Variants in TTN observed in about 807,000 individuals in gnomAD.
TTN encodes the protein titin.
TTN carries 1,525 observed loss-of-function variants against 3,223.0 expected under a neutral mutation model. The observed-to-expected ratio is 0.47, with a 90% CI of 0.45 to 0.49. TTN has a LOEUF of 0.49. TTN is among the 20% of genes least tolerant of loss of function. The probability of loss-of-function intolerance (pLI) is 0.00; values close to 1 mark genes in which losing one functional copy is unlikely to be tolerated. For synonymous variants in TTN, 14,094 were observed against 15,161.0 expected (o/e 0.93, Z 5.17); for missense variants, 40,786 against 43,424.0 (o/e 0.94, Z 5.40).
rs758663081 is a variant in TTN at position 178,730,110 on chromosome 2, G to A, written c.18290C>T (p.Ala6097Val). The change falls in exon 62 of 363, where the codon GCC (alanine) becomes GTC (valine). Residue 6097 changes from alanine (A) to valine (V), a missense_variant. Ala to Val is a moderately conservative substitution (Grantham distance 64). Coordinates refer to ENST00000589042, the MANE Select transcript of TTN (RefSeq NM_001267550.2). ...GACCAGACCTTTTACAAAGAGAGTG[G>A]CTTTGCTGGTTGCTGTGCCAACATC... ...SNDVGTATSK[A>V]TLFVKEPPQF... is the part of the protein sequence containing the mutation. 3.7e-6 allele frequency: 6 copies of A among 1,612,064 alleles called. No individual in the cohort carries two copies. The African/African-American group carries it at 6.7e-5, about 18-fold the overall frequency.
rs2050021727 is a variant in TTN at position 178,590,703 on chromosome 2, T to C, written c.61022A>G (p.Tyr20341Cys). 6.2e-7 allele frequency: 1 copy of C among 1,612,986 alleles called. No individual in the cohort carries two copies. The highest frequency in any genetic ancestry group is 1.7e-5 in the Admixed American group (1 of 59,936). The change falls in exon 304 of 363, where the codon TAT becomes TGT. Residue 20341 changes from tyrosine to cysteine, a missense_variant. Transcript: ENST00000589042. Reference protein sequence around the residue: ...RVTGLYEGNTYEFRVFAENLA... With the variant: ...RVTGLYEGNTCEFRVFAENLA... ...ATTTTCAGCAAAAACTCTAAACTCA[T>C]ATGTATTTCCTTCATAGAGTCCAGT...
chr2:178,723,388 A>C, intron 74 of TTN, 30 bp downstream of exon 74: 1 of 1,604,844 alleles, frequency 6.2e-7, no homozygotes. Flanking sequence ...GTATACAGAA[A>C]ACAGAAAAAG....
rs2053392871 is a variant in TTN, at chr2:178,601,320, A to G, written c.55677T>C (p.Phe18559=). The change falls in exon 287 of 363, where the codon TTT becomes TTC. Residue 18559 remains phenylalanine (F), a synonymous_variant. Coordinates refer to ENST00000589042, the MANE Select transcript of TTN (RefSeq NM_001267550.2). ...YFFRVRAENR[F]GIGPPVETIQ... is the part of the protein sequence containing the mutation. ...TGGTTTCCACAGGTGGGCCAATACC[A>G]AAACGGTTTTCTGCTCGCACACGGA... The G allele has an allele frequency of 1.2e-6, 2 of 1,607,548 alleles. No individual in the cohort carries two copies. Among genetic ancestry groups the G allele is most frequent in the South Asian group, 2.2e-5 (2 of 90,274 alleles).
chr2:178,736,426 A>C (rs2081453344), intron 49 of TTN, among the ~76,000 whole-genome samples: 1 of 152,170 alleles, frequency 6.6e-6, no homozygotes, highest in Non-Finnish European at 1.5e-5. Context: ...TTATGTAAGG[A>C]AGATAAAGAA....
Position 178,652,920 on chromosome 2 carries a change from G to C in TTN, c.38887C>G (p.Pro12963Ala). The C allele has an allele frequency of 1.2e-6, 2 of 1,607,190 alleles. No homozygotes were observed. Among genetic ancestry groups the C allele is most frequent in the Non-Finnish European group, 1.7e-6 (2 of 1,177,780 alleles). The change falls in exon 200 of 363, where the codon CCC (proline) becomes GCC (alanine). Residue 12963 changes from proline to alanine, a missense_variant. By Grantham distance (27) the Pro-to-Ala change is conservative (BLOSUM62 -1). Transcript: ENST00000589042. ...TTCTTTTCAGGAACAACCTCTATGG[G>C]AGCCTCTGGCACTTAAAAGATATTA... Reference protein sequence around the residue: ...EVPPVKVPEAPIEVVPEKKMP... With the variant: ...EVPPVKVPEAAIEVVPEKKMP...
Position 178,706,752 on chromosome 2 carries a change from G to A in TTN, c.29135-13C>T, listed in dbSNP as rs2075933054. The stretch of plus-strand genomic sequence containing the variant: ...GTCGCAGTGGTTTCTAAGGAATAAT[G>A]AAAACAAGTGAATAAAAATTTAATT... On this transcript the variant is annotated splice_polypyrimidine_tract_variant and intron_variant, in intron 101 of 362. Coordinates refer to ENST00000589042, the MANE Select transcript of TTN (RefSeq NM_001267550.2). 3 of 1,599,722 alleles carry A rather than the reference G, an allele frequency of 1.9e-6. No homozygotes were observed. Among genetic ancestry groups the A allele is most frequent in the Non-Finnish European group, 2.6e-6 (3 of 1,173,850 alleles).
rs746158748 is a variant in TTN at position 178,789,983 on chromosome 2, C to A, written c.1933G>T (p.Glu645Ter). 1 of 1,612,836 alleles carries A rather than the reference C, an allele frequency of 6.2e-7. No homozygotes were observed. Among genetic ancestry groups the A allele is most frequent in the Non-Finnish European group, 8.5e-7 (1 of 1,179,242 alleles). The change falls in exon 12 of 363, where the codon GAG (glutamate) becomes TAG (stop). Residue 645 changes from glutamate to a stop codon, truncating the protein, a stop_gained. Coordinates refer to ENST00000589042, the MANE Select transcript of TTN (RefSeq NM_001267550.2). LOFTEE classifies it high-confidence loss of function. ...GCTCAAATATCTGTATTCACCTTCT[C>A]CTGAGTTATTTGCACTTGTTCTCTT... ...TKREQVQITQ[E>*]KMRKEAEKTA...
Position 178,739,222 on chromosome 2 carries a change from G to A in TTN, c.14011C>T (p.His4671Tyr), listed in dbSNP as rs2082054664. 1.9e-6 allele frequency: 3 copies of A among 1,573,844 alleles called. No individual in the cohort carries two copies. Among genetic ancestry groups the A allele is most frequent in the Non-Finnish European group, 2.6e-6 (3 of 1,156,984 alleles). The change falls in exon 48 of 363, where the codon CAT (histidine) becomes TAT (tyrosine). Residue 4671 changes from histidine to tyrosine, a missense_variant. Coordinates refer to ENST00000589042, the MANE Select transcript of TTN (RefSeq NM_001267550.2). ...GCCTCACAGACATACTCTCCTTGATGGTCTTCGGTATTTACTTTGTCGATG... is the reference window on the plus strand; with the variant it reads ...GCCTCACAGACATACTCTCCTTGATAGTCTTCGGTATTTACTTTGTCGATG... ...LVIDKVNTED[H>Y]QGEYVCEALN...
chr2:178,676,675 A>AG (rs71023451), intron 147 of TTN, among the ~76,000 whole-genome samples: 39,555 of 151,738 alleles, frequency 0.26, 5,797 homozygotes, highest in East Asian at 0.48. Flanking sequence ...GGACTCGCTG[A>AG]GAGTAATACA....
Position 178,739,615 on chromosome 2 carries a change from C to G in TTN, c.13618G>C (p.Val4540Leu), listed in dbSNP as rs201046911. 4 of 1,613,704 alleles carry G rather than the reference C, an allele frequency of 2.5e-6. No homozygotes were observed. Among genetic ancestry groups the G allele is most frequent in the Non-Finnish European group, 2.5e-6 (3 of 1,179,844 alleles). ...TCCAAATATTTAACCCTACTTTGCA[C>G]GTTAAAATAACTGACCTCTTCAGTT... ...ISTEEVSYFNVQSRVKYLDAT... is the reference protein window; with the variant it reads ...ISTEEVSYFNLQSRVKYLDAT... The change falls in exon 48 of 363, where the codon GTG (valine) becomes CTG (leucine). Residue 4540 changes from valine to leucine, a missense_variant. Physicochemically the swap from Val to Leu is conservative, Grantham distance 32. Coordinates refer to ENST00000589042, the MANE Select transcript of TTN (RefSeq NM_001267550.2).
Position 178,594,570 on chromosome 2 carries a change from A to C in TTN, c.57924T>G (p.Pro19308=), listed in dbSNP as rs1464032933. The C allele has an allele frequency of 1.2e-6, 2 of 1,613,048 alleles. No homozygotes were observed. The highest frequency in any genetic ancestry group is 1.7e-6 in the Non-Finnish European group (2 of 1,179,394). The change falls in exon 296 of 363, where the codon CCT becomes CCG. Residue 19308 remains proline (P), a synonymous_variant. Transcript: ENST00000589042. The part of the protein sequence containing the change: ...KNTVTLTWNP[P]KYDGGSEIIN... ...TAATTTCTGACCCACCATCATACTT[A>C]GGAGGATTCCAAGTCAAAGTTACAG...
In TTN at chr2:178,613,812, C is replaced by T; in HGVS notation, c.49471G>A (p.Asp16491Asn). 6.2e-7 allele frequency: 1 copy of T among 1,612,638 alleles called. No individual in the cohort carries two copies. Among genetic ancestry groups the T allele is most frequent in the South Asian group, 1.1e-5 (1 of 91,008 alleles). ...PITGYWVERLDPDTDKWVRCN... is the reference protein window; with the variant it reads ...PITGYWVERLNPDTDKWVRCN... ...CTAACCCATTTATCTGTATCAGGAT[C>T]CAGTCTTTCAACCCAGTATCCTGTG... is the stretch of plus-strand genomic sequence containing the variant. The change falls in exon 263 of 363, where the codon GAT (aspartate) becomes AAT (asparagine). Residue 16491 changes from aspartate to asparagine, a missense_variant. Transcript: ENST00000589042.
chr2:178,528,569 C>T lies in TTN; in HGVS notation c.107182G>A (p.Glu35728Lys), dbSNP rs764891218. The T allele has an allele frequency of 1.5e-5, 24 of 1,612,066 alleles. No individual in the cohort carries two copies. The highest frequency in any genetic ancestry group is 3.3e-4 in the Middle Eastern group (2 of 6,082). The change falls in exon 360 of 363, where the codon GAG becomes AAG. Residue 35728 changes from glutamate (E) to lysine (K), a missense_variant. By Grantham distance (56) the Glu-to-Lys change is moderately conservative. Transcript: ENST00000589042. ...NVLFTCEISGEPSPEIEWFKN... is the reference protein window; with the variant it reads ...NVLFTCEISGKPSPEIEWFKN... The stretch of plus-strand genomic sequence containing the variant: ...AACCATTCGATTTCAGGGGATGGCT[C>T]GCCACTGATTTCACAAGTAAAGAGA...
At position 178,575,951 on chromosome 2, in the gene TTN, G is replaced by GTAT. The variant is rs2154172646; in HGVS notation, c.70178_70180dup (p.Asn23393dup). 3.1e-6 allele frequency: 5 copies of GTAT among 1,611,570 alleles called. No homozygotes were observed. The highest frequency in any genetic ancestry group is 4.2e-6 in the Non-Finnish European group (5 of 1,177,984). ...GATAATCAGAAGAGTAAATGATTCCGTATTTTCAATGTTGGCTCGGTTTTT... is the reference window on the plus strand; with the variant it reads ...GATAATCAGAAGAGTAAATGATTCCGTATTATTTTCAATGTTGGCTCGGTTTTT... On this transcript the variant is annotated inframe_insertion, in exon 326 of 363. Transcript: ENST00000589042. This position sits in a 1 kb window ranked among gnomAD's most constrained non-coding sequence, Gnocchi z 4.0.
rs2093169802 is a variant in TTN, at chr2:178,786,226, C to T, written c.2077-85G>A. The T allele has an allele frequency of 1.1e-5, 16 of 1,460,604 alleles. No homozygotes were observed. The Admixed American group carries it at 2.6e-4, about 24-fold the overall frequency. 90.5% of individuals were successfully genotyped at this position (1,460,604 alleles called of 1,614,324 possible). ...CCTGGGCATCAGGACAGGCAGATGG[C>T]GTCCACATTATACAGCAGTGTTAAC... On this transcript the variant is annotated intron_variant, in intron 13 of 362. Transcript: ENST00000589042.
intron 141 of TTN, 23 bp downstream of exon 141, chr2:178,679,575 AC>A: frequency 6.2e-7 from 1 of 1,605,108 alleles, no homozygotes; most frequent in Non-Finnish European, 8.5e-7. Flanking sequence ...TCTCTTAGAT[AC>A]CCGTCAATGA....
Position 178,712,212 on chromosome 2 carries a change from A to G in TTN, c.27618T>C (p.Tyr9206=), listed in dbSNP as rs1457644440. The G allele has an allele frequency of 1.9e-6, 3 of 1,612,926 alleles. No homozygotes were observed. Among genetic ancestry groups the G allele is most frequent in the African/African-American group, 2.7e-5 (2 of 74,902 alleles). ...TAACCGGCTCCAACTGCTTGACAAA[A>G]TACGGTGGTTCTGCAGCCAAGAGAG... ...SAQILILEPP[Y]FVKQLEPVKV... The change falls in exon 96 of 363, where the codon TAT becomes TAC. Residue 9206 remains tyrosine, a synonymous_variant. Coordinates refer to ENST00000589042, the MANE Select transcript of TTN (RefSeq NM_001267550.2).
In TTN at chr2:178,545,476, A is replaced by G. The variant is rs1402308476; in HGVS notation, c.95634T>C (p.Asp31878=). The G allele has an allele frequency of 6.2e-7, 1 of 1,613,356 alleles. No individual in the cohort carries two copies. The highest frequency in any genetic ancestry group is 8.5e-7 in the Non-Finnish European group (1 of 1,179,418). The part of the protein sequence containing the change: ...LKVTSLMEGC[D]YQFRVTAVNA... ...TCACTGCGGTCACCCGGAACTGGTA[A>G]TCACAACCCTCCATCAGGCTGGTCA... is the stretch of plus-strand genomic sequence containing the variant. The change falls in exon 344 of 363, where the codon GAT becomes GAC. Residue 31878 remains aspartate, a synonymous_variant. Coordinates refer to ENST00000589042, the MANE Select transcript of TTN (RefSeq NM_001267550.2).
At chr2:178,716,147 A>G (rs1203760746) in intron 88 of TTN, among the ~76,000 whole-genome samples, 1 of 152,154 alleles carries the variant, frequency 6.6e-6, no homozygotes, top group Non-Finnish European at 1.5e-5. Context: ...TGTCTTGTAT[A>G]TGAACCAGTG....
Sources: allele counts gnomAD v4.1 joint callset (sites outside exome capture counted in the v4.1 genomes callset), GRCh38; gene constraint gnomAD v4.1.1; non-coding constraint Gnocchi (gnomAD v3.1); transcripts MANE v1.5; gene names NCBI Gene and HGNC (gene_info 2026-07-23, HGNC 2026-07-21).